Variants in CSMD1 observed in about 807,000 individuals in gnomAD.
The protein encoded by CSMD1 is CUB and sushi domain-containing protein 1.
CSMD1 carries 213 observed loss-of-function variants against 417.5 expected under a neutral mutation model. The ratio of observed to expected loss-of-function variants is 0.51; its 90% CI spans 0.46 to 0.57. The LOEUF (loss-of-function observed/expected upper bound fraction) is 0.57, where lower values mean the gene tolerates loss of function less well. Ranked by LOEUF, CSMD1 falls within the 20% of genes least tolerant of loss-of-function variation. CSMD1 has a pLI of 0.00. For missense variants in CSMD1, 6,923 were observed against 4,529.7 expected (o/e 1.53, Z -15.17); for synonymous variants, 2,862 against 1,736.8 (o/e 1.65, Z -16.11).
intron 2 of CSMD1, among the ~76,000 whole-genome samples, chr8:4,522,646 G>C (rs944340053): frequency 4.6e-5 from 7 of 152,124 alleles, no homozygotes; most frequent in African/African-American, 9.7e-5. Context: ...TATAGGTTCG[G>C]ATTTTCTTCT....
intron 3 of CSMD1, among the ~76,000 whole-genome samples, chr8:4,296,323 A>G (rs1797677295): frequency 6.6e-6 from 1 of 152,154 alleles, no homozygotes; most frequent in Non-Finnish European, 1.5e-5. Context: ...TATAAATTCT[A>G]TAGTTCAGGG....
Position 3,348,179 on chromosome 8 carries a change from T to C in CSMD1, c.3305-18A>G, listed in dbSNP as rs556075662. ...ACATTCGGCTACAATAAATAGGACA[T>C]GAGAGAAAGAGGATTCAAAAGTGGA... On this transcript the variant is annotated intron_variant, in intron 21 of 69. Transcript: ENST00000635120. The C allele has an allele frequency of 7.4e-5, 118 of 1,599,148 alleles. 1 individual carries two copies. The South Asian group carries it at 1.1e-3, about 15-fold the overall frequency.
chr8:4,994,127 G>C (rs1185243091), intron 1 of CSMD1, among the ~76,000 whole-genome samples: 1 of 152,162 alleles, frequency 6.6e-6, no homozygotes, highest in Admixed American at 6.5e-5. Flanking sequence ...GGAATGGCGG[G>C]GTGGGGCGGG....
chr8:3,879,653 G>T (rs114022865), intron 5 of CSMD1, among the ~76,000 whole-genome samples: 2,518 of 152,192 alleles, frequency 0.017, 65 homozygotes, highest in African/African-American at 0.057. Flanking sequence ...ATCTTTTTCT[G>T]TGTAGACACC....
intron 3 of CSMD1, among the ~76,000 whole-genome samples, chr8:4,365,296 G>A (rs550542632): frequency 2.0e-5 from 3 of 152,194 alleles, no homozygotes; most frequent in Non-Finnish European, 2.9e-5. Flanking sequence ...AATAAATTTA[G>A]GATTACACCT....
At chr8:3,677,584 G>A (rs114475220) in intron 7 of CSMD1, among the ~76,000 whole-genome samples, 104 of 152,226 alleles carry the variant, frequency 6.8e-4, no homozygotes, top group African/African-American at 2.3e-3. Flanking sequence ...TTAGATTCAC[G>A]AAAGCCTAAG....
intron 26 of CSMD1, among the ~76,000 whole-genome samples, chr8:3,238,891 T>G (rs997807911): frequency 6.6e-6 from 1 of 152,002 alleles, no homozygotes. Context: ...AAACCAGCAG[T>G]GTAATCAAGA....
intron 2 of CSMD1, among the ~76,000 whole-genome samples, chr8:4,488,307 G>A (rs1301208196): frequency 1.3e-5 from 2 of 152,126 alleles, no homozygotes; most frequent in Non-Finnish European, 2.9e-5. Context: ...AACCACAGGA[G>A]TAGTTAACAT....
intron 1 of CSMD1, among the ~76,000 whole-genome samples, chr8:4,700,180 G>A (rs1333916819): frequency 1.3e-5 from 2 of 152,100 alleles, no homozygotes; most frequent in African/African-American, 4.8e-5. Context: ...TCATGTTTAT[G>A]AAACAAAATC....
intron 12 of CSMD1, among the ~76,000 whole-genome samples, chr8:3,426,112 G>C (rs558425909): frequency 8.1e-4 from 124 of 152,216 alleles, no homozygotes; most frequent in Non-Finnish European, 1.5e-3. Flanking sequence ...AATTATACTT[G>C]GTAACGTTTT....
At chr8:4,474,970 T>A (rs1024751940) in intron 2 of CSMD1, among the ~76,000 whole-genome samples, 1 of 152,238 alleles carries the variant, frequency 6.6e-6, no homozygotes, top group Non-Finnish European at 1.5e-5. Flanking sequence ...CCTGGTCAAC[T>A]ACAGGCTGTT....
intron 26 of CSMD1, among the ~76,000 whole-genome samples, chr8:3,265,540 G>A (rs1282888060): frequency 6.6e-6 from 1 of 152,170 alleles, no homozygotes; most frequent in Non-Finnish European, 1.5e-5. Context: ...GAGAGAGGGA[G>A]TAGCACACTC....
intron 5 of CSMD1, among the ~76,000 whole-genome samples, chr8:3,887,504 G>A (rs961076343): frequency 6.6e-6 from 1 of 152,180 alleles, no homozygotes; most frequent in African/African-American, 2.4e-5. Flanking sequence ...GAACATTAGA[G>A]TTGCCTGTTT....
At chr8:4,061,432 A>G (rs1183206086) in intron 3 of CSMD1, among the ~76,000 whole-genome samples, 1 of 152,248 alleles carries the variant, frequency 6.6e-6, no homozygotes, top group Non-Finnish European at 1.5e-5. Flanking sequence ...CAACCTGTGA[A>G]ACTTTTATAG....
intron 1 of CSMD1, among the ~76,000 whole-genome samples, chr8:4,776,158 G>C (rs933176023): frequency 6.6e-6 from 1 of 152,098 alleles, no homozygotes; most frequent in African/African-American, 2.4e-5. Context: ...AAGAAGAGAT[G>C]AGGCGACCCA....
chr8:3,845,276 C>T (rs1022860899), intron 5 of CSMD1, among the ~76,000 whole-genome samples: 1 of 152,124 alleles, frequency 6.6e-6, no homozygotes, highest in African/African-American at 2.4e-5. Context: ...GTGCAAATAT[C>T]GTAGAGTGAA....
chr8:3,365,802 T>C (rs902701065), intron 20 of CSMD1, among the ~76,000 whole-genome samples: 7 of 152,200 alleles, frequency 4.6e-5, no homozygotes, highest in Admixed American at 1.3e-4. Flanking sequence ...ATTATTGAAC[T>C]ACAGTTGACC....
chr8:3,893,631 G>T (rs775872515), intron 5 of CSMD1, among the ~76,000 whole-genome samples: 2 of 151,808 alleles, frequency 1.3e-5, no homozygotes, highest in Non-Finnish European at 2.9e-5. Context: ...TGTGCATGGT[G>T]TCTTGCTCTC....
At chr8:3,213,352 T>C (rs977792572) in intron 30 of CSMD1, among the ~76,000 whole-genome samples, 1 of 152,126 alleles carries the variant, frequency 6.6e-6, no homozygotes, top group Non-Finnish European at 1.5e-5. Context: ...AAGGTACAAG[T>C]CAAGGGTCCA....
Sources: gnomAD v4.1 joint callset for allele counts (sites outside exome capture counted in the v4.1 genomes callset) on GRCh38, gnomAD v4.1.1 for gene constraint, MANE v1.5 for transcripts, NCBI Gene and HGNC (gene_info 2026-07-23, HGNC 2026-07-21) for gene names.